Variants in ZYG11B observed in about 807,000 individuals in gnomAD.
ZYG11B encodes zyg-11 family member B, cell cycle regulator.
In ZYG11B, 36 loss-of-function variants were observed where a neutral mutation model predicts 82.4. The ratio of observed to expected loss-of-function variants is 0.44; its 90% CI spans 0.33 to 0.58. The LOEUF (loss-of-function observed/expected upper bound fraction) is 0.58. ZYG11B is among the 20% of genes least tolerant of loss of function. ZYG11B has a pLI of 0.02. For synonymous variants in ZYG11B, 303 were observed against 312.8 expected (o/e 0.97, Z 0.33); for missense variants, 552 against 895.6 (o/e 0.62, Z 4.90).
chr1:52,785,170 G>A, intron 5 of ZYG11B, 117 bp downstream of exon 5: 1 of 1,128,560 alleles, frequency 8.9e-7, no homozygotes, highest in South Asian at 1.6e-5. Flanking sequence ...GCTGTGGTAT[G>A]ACTGAGTGTA....
chr1:52,737,115 C>T (rs1201414093), intron 1 of ZYG11B, among the ~76,000 whole-genome samples: 2 of 151,998 alleles, frequency 1.3e-5, no homozygotes, highest in African/African-American at 4.8e-5. Flanking sequence ...CTCCTGACCT[C>T]AAGTGATCCA....
chr1:52,742,336 C>T lies in ZYG11B; in HGVS notation c.31-14122C>T, dbSNP rs896826889. Among the ~76,000 whole-genome samples the T allele has an allele frequency of 3.0e-4, 46 of 152,002 alleles. 1 individual carries two copies. Among genetic ancestry groups the T allele is most frequent in the Admixed American group, 3.0e-3 (46 of 15,244 alleles). On this transcript the variant is annotated intron_variant, in intron 1 of 13. Coordinates refer to ENST00000294353, the MANE Select transcript of ZYG11B (RefSeq NM_024646.3). ...ACATGATGACACGTGCCTGTAGTCCCAGCTATTCGGATGGCTGAGGTGGGA... is the reference window on the plus strand; with the variant it reads ...ACATGATGACACGTGCCTGTAGTCCTAGCTATTCGGATGGCTGAGGTGGGA...
At chr1:52,785,118 C>A in intron 5 of ZYG11B, 65 bp downstream of exon 5, 1 of 1,519,952 alleles carries the variant, frequency 6.6e-7, no homozygotes, top group Non-Finnish European at 8.9e-7. Flanking sequence ...TCCTACAGTT[C>A]AGTTTAATAG....
intron 1 of ZYG11B, 51 bp downstream of exon 1, chr1:52,726,734 C>G (rs771666415): frequency 4.3e-5 from 61 of 1,433,736 alleles, no homozygotes; most frequent in Middle Eastern, 2.0e-4. Context: ...CCCTAGCCCC[C>G]GCCCGTCGCG....
At chr1:52,793,169 A>G (rs1342950954) in intron 6 of ZYG11B, among the ~76,000 whole-genome samples, 2 of 152,022 alleles carry the variant, frequency 1.3e-5, no homozygotes, top group African/African-American at 4.8e-5. Flanking sequence ...TATTTTACAG[A>G]TAAGAATGTT....
chr1:52,790,226 T>G (rs566839100), intron 6 of ZYG11B, among the ~76,000 whole-genome samples, 159 bp downstream of exon 6: 1 of 152,206 alleles, frequency 6.6e-6, no homozygotes, highest in Non-Finnish European at 1.5e-5. Flanking sequence ...TTCTTTAATT[T>G]AGTGGCTTTG....
intron 8 of ZYG11B, among the ~76,000 whole-genome samples, chr1:52,796,986 ATTTTTT>A (rs1645018208): frequency 1.6e-4 from 12 of 73,554 alleles, no homozygotes; most frequent in African/African-American, 1.1e-3. Context: ...AAATATATAT[ATTTTTT>A]ATATAAATAT....
intron 1 of ZYG11B, 129 bp downstream of exon 1, chr1:52,726,812 C>G (rs1274453239): frequency 1.2e-6 from 1 of 868,580 alleles, no homozygotes; most frequent in Non-Finnish European, 1.6e-6. Flanking sequence ...TTACCTCTCT[C>G]CCTCGTTACC....
rs1032488582 is a variant in ZYG11B at position 52,823,072 on chromosome 1, G to C, written c.*1443G>C. On this transcript the variant is annotated 3_prime_UTR_variant, in exon 14 of 14. Transcript: ENST00000294353. ...TGTTAGTTCACTGATGACATTTTTTGACAAACATTTTATACCATTATCACA... is the reference window on the plus strand; with the variant it reads ...TGTTAGTTCACTGATGACATTTTTTCACAAACATTTTATACCATTATCACA... 6.6e-6 allele frequency: 1 copy of C among 152,016 alleles called. No individual in the cohort carries two copies. The highest frequency in any genetic ancestry group is 2.4e-5 in the African/African-American group (1 of 41,400). The allele number at this position is 152,016 out of a possible 1,614,324, so 9.4% of individuals were successfully genotyped here.
Position 52,780,009 on chromosome 1 carries a change from T to A in ZYG11B, c.1092+16T>A, listed in dbSNP as rs759687519. On this transcript the variant is annotated intron_variant, in intron 4 of 13. Coordinates refer to ENST00000294353, the MANE Select transcript of ZYG11B (RefSeq NM_024646.3). ...AATTTTAAAGGTAAGAATAAGAAACTGGATATGAAATTTTTGAAATGATCT... is the reference window on the plus strand; with the variant it reads ...AATTTTAAAGGTAAGAATAAGAAACAGGATATGAAATTTTTGAAATGATCT... The A allele has an allele frequency of 1.2e-6, 2 of 1,604,002 alleles. No individual in the cohort carries two copies. The highest frequency in any genetic ancestry group is 2.2e-5 in the South Asian group (2 of 88,896).
chr1:52,731,627 C>T (rs1007425337), intron 1 of ZYG11B, among the ~76,000 whole-genome samples: 11 of 152,024 alleles, frequency 7.2e-5, no homozygotes, highest in African/African-American at 2.7e-4. Context: ...GAAAAAAAGA[C>T]ATGGGGTACA....
intron 10 of ZYG11B, among the ~76,000 whole-genome samples, chr1:52,805,932 A>G (rs1005013529): frequency 6.6e-6 from 1 of 152,154 alleles, no homozygotes; most frequent in Admixed American, 6.6e-5. Context: ...AACTAGTGAA[A>G]CAGTGCAAAA....
intron 1 of ZYG11B, among the ~76,000 whole-genome samples, chr1:52,742,602 G>C (rs929684799): frequency 6.6e-6 from 1 of 152,068 alleles, no homozygotes; most frequent in Non-Finnish European, 1.5e-5. Context: ...CAGCACTTTC[G>C]GAGGCGGAGG....
chr1:52,773,475 G>GAA (rs576210679), intron 3 of ZYG11B, among the ~76,000 whole-genome samples: 4 of 107,532 alleles, frequency 3.7e-5, no homozygotes, highest in Non-Finnish European at 4.1e-5. Flanking sequence ...CTCCGTCTCA[G>GAA]AAAAAAAAAA....
chr1:52,818,116 G>A lies in ZYG11B; in HGVS notation c.2044+1487G>A, dbSNP rs929301168. On this transcript the variant is annotated intron_variant, in intron 13 of 13. Transcript: ENST00000294353. The stretch of plus-strand genomic sequence containing the variant: ...GCCTCCCAAAGTGCTGGGCTTACAG[G>A]TGTGAGCCACTGTGCCTGGCCTACT... Among the ~76,000 whole-genome samples, 10 of 151,756 alleles carry A rather than the reference G, an allele frequency of 6.6e-5. No individual in the cohort carries two copies. The East Asian group carries it at 1.6e-3, about 24-fold the overall frequency.
Position 52,764,290 on chromosome 1 carries a change from ATT to A in ZYG11B, c.197-6715_197-6714del, listed in dbSNP as rs35314526. ...AGGCATGCACCACCATGCCTGGCTA[ATT>A]TTTTTTTTTTTTTTGTATTTTTAGT... On this transcript the variant is annotated intron_variant, in intron 2 of 13. Coordinates refer to ENST00000294353, the MANE Select transcript of ZYG11B (RefSeq NM_024646.3). 7.6e-3 allele frequency among the ~76,000 whole-genome samples: 1,073 copies of A among 141,736 alleles called. 5 individuals carry two copies. Among genetic ancestry groups the A allele is most frequent in the African/African-American group, 0.023 (869 of 38,208 alleles). 93.0% of individuals were successfully genotyped at this position (141,736 alleles called of 152,430 possible).
chr1:52,775,459 G>A (rs1373843179), intron 3 of ZYG11B, among the ~76,000 whole-genome samples: 2 of 151,402 alleles, frequency 1.3e-5, no homozygotes, highest in African/African-American at 4.9e-5. Context: ...GGGAGGCCAA[G>A]GCGGGCGGAT....
At chr1:52,731,257 A>ATG (rs1397728253) in intron 1 of ZYG11B, among the ~76,000 whole-genome samples, 25 of 149,288 alleles carry the variant, frequency 1.7e-4, no homozygotes, top group Non-Finnish European at 4.4e-5. Context: ...CCTGGGCAAC[A>ATG]GAGTGAGGCT....
chr1:52,787,639 G>A (rs1449982038), intron 5 of ZYG11B, among the ~76,000 whole-genome samples: 1 of 152,206 alleles, frequency 6.6e-6, no homozygotes, highest in East Asian at 1.9e-4. Context: ...TAGTAAGGCA[G>A]AATCTCAAGA....
Sources: allele counts gnomAD v4.1 joint callset (sites outside exome capture counted in the v4.1 genomes callset), GRCh38; gene constraint gnomAD v4.1.1; transcripts MANE v1.5; gene names NCBI Gene and HGNC (gene_info 2026-07-23, HGNC 2026-07-21).